Variants in SORCS2 observed in about 807,000 individuals in gnomAD.
The protein encoded by SORCS2 is VPS10 domain-containing receptor SorCS2.
In SORCS2, 100 loss-of-function variants were observed where a neutral mutation model predicts 141.6. The ratio of observed to expected loss-of-function variants is 0.71; its 90% confidence interval spans 0.60 to 0.83. The LOEUF is 0.83. SORCS2 is among the 40% of genes least tolerant of loss of function. The pLI is 0.00. For synonymous variants in SORCS2, 789 were observed against 676.9 expected, an observed-to-expected ratio of 1.17 and a Z score of -2.57; for missense variants, 1,646 against 1,560.2, an observed-to-expected ratio of 1.05 and a Z score of -0.93.
rs73084253 is a variant in SORCS2 at position 7,408,463 on chromosome 4, T to C, written c.548+12108T>C. Among the ~76,000 whole-genome samples the C allele has an allele frequency of 3.2e-3, 487 of 152,290 alleles. 4 individuals carry two copies. The highest frequency in any genetic ancestry group is 0.011 in the African/African-American group (440 of 41,570). Reference sequence around the variant, plus strand: ...TGTATGATTTCCTTTGAGAAGTCTGTTGCCGGATGAATTGAAGCTCCTGTA... The same window carrying C: ...TGTATGATTTCCTTTGAGAAGTCTGCTGCCGGATGAATTGAAGCTCCTGTA... On this transcript the variant is annotated intron_variant, in intron 2 of 26. Transcript: ENST00000507866.
chr4:7,702,846 G>T (rs988176523), intron 12 of SORCS2, among the ~76,000 whole-genome samples: 1 of 152,252 alleles, frequency 6.6e-6, no homozygotes, highest in African/African-American at 2.4e-5. Context: ...ACTCAGTCTG[G>T]CATCAGGGAG....
At chr4:7,561,602 A>G (rs942726823) in intron 3 of SORCS2, among the ~76,000 whole-genome samples, 21 of 145,196 alleles carry the variant, frequency 1.4e-4, no homozygotes, top group Non-Finnish European at 3.0e-5. Flanking sequence ...CCATCTATCC[A>G]TCTATCTACC....
At chr4:7,288,864 G>C (rs1716418088) in intron 1 of SORCS2, among the ~76,000 whole-genome samples, 1 of 151,834 alleles carries the variant, frequency 6.6e-6, no homozygotes, top group Non-Finnish European at 1.5e-5. Context: ...GGTGGCTGCT[G>C]CCCAGCCCAG....
intron 5 of SORCS2, among the ~76,000 whole-genome samples, chr4:7,655,824 C>T (rs112388546): frequency 0.012 from 1,888 of 152,324 alleles, 45 homozygotes; most frequent in African/African-American, 0.043. Context: ...TGGTAGAGCT[C>T]TGTTCACTCC....
intron 1 of SORCS2, among the ~76,000 whole-genome samples, chr4:7,291,182 G>C (rs187591270): frequency 6.6e-6 from 1 of 152,282 alleles, no homozygotes; most frequent in East Asian, 1.9e-4. Flanking sequence ...GAAGGGGCTC[G>C]GATGAGGCGG....
In SORCS2 at chr4:7,714,287, G is replaced by A. The variant is rs1348523414; in HGVS notation, c.2037G>A (p.Lys679=). The A allele has an allele frequency of 6.2e-7, 1 of 1,609,058 alleles. No homozygotes were observed. Among genetic ancestry groups the A allele is most frequent in the Non-Finnish European group, 8.5e-7 (1 of 1,177,914 alleles). ...AGCAGAGAAGTTTCCGGAAAAGAAA[G>A]TCCACGTCCTGGTGCATCAAGGGGA... The part of the protein sequence containing the change: ...MGQQRSFRKR[K]STSWCIKGRS... The change falls in exon 16 of 27, where the codon AAG becomes AAA. Residue 679 remains lysine, a synonymous_variant. Coordinates refer to ENST00000507866, the MANE Select transcript of SORCS2 (RefSeq NM_020777.3).
rs112430847 is a variant in SORCS2, at chr4:7,626,179, A to T, written c.649-12149A>T. ...ATAAATAAATATAAATAAATAAATA[A>T]ATAAAAGTATGAAATACCGACCATT... On this transcript the variant is annotated intron_variant, in intron 3 of 26. Transcript: ENST00000507866. 7.3e-3 allele frequency among the ~76,000 whole-genome samples: 1,105 copies of T among 152,166 alleles called. 20 individuals carry two copies. Among genetic ancestry groups the T allele is most frequent in the African/African-American group, 0.026 (1,064 of 41,510 alleles).
chr4:7,394,307 G>T (rs552097780), intron 1 of SORCS2, among the ~76,000 whole-genome samples: 1 of 152,136 alleles, frequency 6.6e-6, no homozygotes, highest in Non-Finnish European at 1.5e-5. Flanking sequence ...CCCCGCACTG[G>T]GGAGATAAAT....
chr4:7,277,136 A>G (rs1184674382), intron 1 of SORCS2, among the ~76,000 whole-genome samples: 29 of 920 alleles, frequency 0.032, no homozygotes, highest in Admixed American at 0.24. Flanking sequence ...CTGTGTATGG[A>G]GGGTGGGTGG....
At chr4:7,711,435 C>A (rs1192421773) in intron 14 of SORCS2, among the ~76,000 whole-genome samples, 1 of 152,184 alleles carries the variant, frequency 6.6e-6, no homozygotes, top group Non-Finnish European at 1.5e-5. Context: ...AGACAGGGAC[C>A]AGACTGGAGC....
chr4:7,459,205 C>T (rs954441398), intron 2 of SORCS2, among the ~76,000 whole-genome samples: 9 of 152,100 alleles, frequency 5.9e-5, no homozygotes, highest in Non-Finnish European at 1.2e-4. Context: ...CACCATGGGA[C>T]GCTGGCGAGT....
At chr4:7,309,290 C>T (rs1233974259) in intron 1 of SORCS2, among the ~76,000 whole-genome samples, 1 of 152,206 alleles carries the variant, frequency 6.6e-6, no homozygotes, top group East Asian at 1.9e-4. Context: ...GGAGCTCAGG[C>T]TTCCTGACTT....
chr4:7,391,610 C>T (rs914724378), intron 1 of SORCS2, among the ~76,000 whole-genome samples: 8 of 152,086 alleles, frequency 5.3e-5, no homozygotes, highest in African/African-American at 1.7e-4. Context: ...ACCCTCAGTC[C>T]CTCTGAGGGA....
At chr4:7,585,533 A>G (rs977857487) in intron 3 of SORCS2, among the ~76,000 whole-genome samples, 1 of 152,238 alleles carries the variant, frequency 6.6e-6, no homozygotes, top group Non-Finnish European at 1.5e-5. Flanking sequence ...TCACAGGACT[A>G]TCAGGGGACC....
At chr4:7,548,039 G>T (rs184343174) in intron 3 of SORCS2, among the ~76,000 whole-genome samples, 1 of 152,144 alleles carries the variant, frequency 6.6e-6, no homozygotes, top group Non-Finnish European at 1.5e-5. Context: ...AGCAATGTAG[G>T]ATCACACTCC....
rs779008169 is a variant in SORCS2, at chr4:7,638,427, G to T, written c.748G>T (p.Val250Leu). The T allele has an allele frequency of 8.1e-6, 13 of 1,606,058 alleles. No individual in the cohort carries two copies. The highest frequency in any genetic ancestry group is 2.3e-5 in the East Asian group (1 of 44,424). ...TFQKQPIPFF[V>L]ETLIFHPKEE... ...TCAGAAGCAGCCCATTCCCTTCTTCGTGGAAACTCTGATTTTCCACCCTAA... is the reference window on the plus strand; with the variant it reads ...TCAGAAGCAGCCCATTCCCTTCTTCTTGGAAACTCTGATTTTCCACCCTAA... Residue 250 changes from valine (V) to leucine (L), a missense_variant, in exon 4 of 27, where the codon GTG (valine) becomes TTG (leucine). By Grantham distance (32) the Val-to-Leu change is conservative. Coordinates refer to ENST00000507866, the MANE Select transcript of SORCS2 (RefSeq NM_020777.3).
Position 7,434,028 on chromosome 4 carries a change from G to A in SORCS2, c.548+37673G>A, listed in dbSNP as rs560160670. 32 of 1,611,432 alleles carry A rather than the reference G, an allele frequency of 2.0e-5. No individual in the cohort carries two copies. The Admixed American group carries it at 2.0e-4, about 10-fold the overall frequency. The stretch of plus-strand genomic sequence containing the variant: ...TCACACCGGCCTTCATCTGCATCTC[G>A]CTCTGTTTCCTTGGCAACCCCAGCT... On this transcript the variant is annotated intron_variant, in intron 2 of 26. Coordinates refer to ENST00000507866, the MANE Select transcript of SORCS2 (RefSeq NM_020777.3).
rs186969862 is a variant in SORCS2, at chr4:7,220,920, C to A, written c.480+27794C>A. Among the ~76,000 whole-genome samples the A allele has an allele frequency of 7.9e-4, 121 of 152,332 alleles. 1 individual carries two copies. Among genetic ancestry groups the A allele is most frequent in the Admixed American group, 2.1e-3 (32 of 15,306 alleles). On this transcript the variant is annotated intron_variant, in intron 1 of 26. Transcript: ENST00000507866. Reference sequence around the variant, plus strand: ...AACATGATTAATTAAGCAGCACCCACACAGGTTGTTTAAAAAAGGAATGAT... The same window carrying A: ...AACATGATTAATTAAGCAGCACCCAAACAGGTTGTTTAAAAAAGGAATGAT...
intron 1 of SORCS2, among the ~76,000 whole-genome samples, chr4:7,259,910 C>G (rs983434489): frequency 3.3e-5 from 5 of 152,210 alleles, no homozygotes; most frequent in African/African-American, 1.2e-4. Context: ...CACCATTGGG[C>G]CACCCAGCCT....
Sources: gnomAD v4.1 joint callset for allele counts (sites outside exome capture counted in the v4.1 genomes callset) on GRCh38, gnomAD v4.1.1 for gene constraint, MANE v1.5 for transcripts, NCBI Gene and HGNC (gene_info 2026-07-23, HGNC 2026-07-21) for gene names.